ZNF804A: variants seen among roughly 807,000 people sequenced by gnomAD.
The protein encoded by ZNF804A is zinc finger protein 804A.
ZNF804A carries 2 observed loss-of-function variants against 16.5 expected under a neutral mutation model. The observed-to-expected ratio is 0.12, with a 90% CI of 0.05 to 0.38. The LOEUF (loss-of-function observed/expected upper bound fraction) is 0.38. ZNF804A is among the 10% of genes least tolerant of loss of function. The probability of loss-of-function intolerance (pLI) is 0.99; values close to 1 mark genes in which losing one functional copy is unlikely to be tolerated. For synonymous variants in ZNF804A, 534 were observed against 489.6 expected, an observed-to-expected ratio of 1.09 and a Z score of -1.20; for missense variants, 1,473 against 1,390.7, an observed-to-expected ratio of 1.06 and a Z score of -0.94.
intron 1 of ZNF804A, among the ~76,000 whole-genome samples, chr2:184,775,848 T>C (rs1164474490): frequency 6.6e-6 from 1 of 151,592 alleles, no homozygotes; most frequent in African/African-American, 2.4e-5. Flanking sequence ...TGTTTGGATA[T>C]GAGGGTAAAT....
intron 1 of ZNF804A, among the ~76,000 whole-genome samples, chr2:184,718,413 T>C (rs1248962978): frequency 6.6e-6 from 1 of 151,368 alleles, no homozygotes; most frequent in Non-Finnish European, 1.5e-5. Context: ...TTCCCAAGAG[T>C]CCCCCAAAGA....
chr2:184,767,205 C>A (rs1694141507), intron 1 of ZNF804A, among the ~76,000 whole-genome samples: 2 of 152,058 alleles, frequency 1.3e-5, no homozygotes, highest in Admixed American at 1.3e-4. Flanking sequence ...CCCAAATGTC[C>A]ACTGGTGGAT....
At chr2:184,634,654 A>G (rs1328152111) in intron 1 of ZNF804A, among the ~76,000 whole-genome samples, 1 of 152,182 alleles carries the variant, frequency 6.6e-6, no homozygotes, top group Non-Finnish European at 1.5e-5. Flanking sequence ...GTTGGCCTCT[A>G]GAAGCAGAAA....
chr2:184,774,579 G>C (rs1694260372), intron 1 of ZNF804A, among the ~76,000 whole-genome samples: 1 of 151,698 alleles, frequency 6.6e-6, no homozygotes, highest in South Asian at 2.1e-4. Flanking sequence ...TGACCTCAGT[G>C]CTTTTCTTCT....
chr2:184,635,084 G>T (rs1198844982), intron 1 of ZNF804A, among the ~76,000 whole-genome samples: 1 of 152,014 alleles, frequency 6.6e-6, no homozygotes, highest in African/African-American at 2.4e-5. Flanking sequence ...GTCTACTTAT[G>T]AAATGGATAT....
At chr2:184,689,248 A>G (rs1692690953) in intron 1 of ZNF804A, among the ~76,000 whole-genome samples, 2 of 152,170 alleles carry the variant, frequency 1.3e-5, no homozygotes. Flanking sequence ...CAAATATTGA[A>G]CAATACTCCA....
rs192928720 is a variant in ZNF804A, at chr2:184,892,912, A to G, written c.255+26400A>G. 5.8e-3 allele frequency among the ~76,000 whole-genome samples: 885 copies of G among 152,304 alleles called. 4 individuals carry two copies. Among genetic ancestry groups the G allele is most frequent in the Middle Eastern group, 0.024 (7 of 294 alleles). On this transcript the variant is annotated intron_variant, in intron 2 of 3. Coordinates refer to ENST00000302277, the MANE Select transcript of ZNF804A (RefSeq NM_194250.2). Reference sequence around the variant, plus strand: ...TATTTTGTTCATTATTGCCTGTGTTATAATCAATATTGATGGTTTCATTGT... The same window carrying G: ...TATTTTGTTCATTATTGCCTGTGTTGTAATCAATATTGATGGTTTCATTGT...
chr2:184,866,495 G>T lies in ZNF804A; in HGVS notation c.238G>T (p.Asp80Tyr). The T allele has an allele frequency of 6.2e-7, 1 of 1,606,980 alleles. No individual in the cohort carries two copies. Among genetic ancestry groups the T allele is most frequent in the South Asian group, 1.1e-5 (1 of 89,506 alleles). The change falls in exon 2 of 4, where the codon GAC becomes TAC. Residue 80 changes from aspartate to tyrosine, a missense_variant. Asp to Tyr is a radical substitution (Grantham distance 160, BLOSUM62 -3). Transcript: ENST00000302277. ...QEFDNHINSYDHAHKQRLKEL... is the reference protein window; with the variant it reads ...QEFDNHINSYYHAHKQRLKEL... ...GTTTGACAATCACATTAATTCATAT[G>T]ACCATGCTCACAAGCAGGTAAGAAA...
At chr2:184,724,326 T>C (rs1693368176) in intron 1 of ZNF804A, among the ~76,000 whole-genome samples, 1 of 151,758 alleles carries the variant, frequency 6.6e-6, no homozygotes, top group South Asian at 2.1e-4. Flanking sequence ...TGTACATTTA[T>C]TTGTCTTAAG....
intron 1 of ZNF804A, among the ~76,000 whole-genome samples, chr2:184,714,311 C>A (rs975745723): frequency 6.6e-6 from 1 of 152,032 alleles, no homozygotes; most frequent in African/African-American, 2.4e-5. Context: ...CATGCACACA[C>A]TATTCCTGGC....
chr2:184,714,271 T>A (rs1434453737), intron 1 of ZNF804A, among the ~76,000 whole-genome samples: 2 of 151,960 alleles, frequency 1.3e-5, no homozygotes, highest in African/African-American at 2.4e-5. Flanking sequence ...CCTCTGACAA[T>A]CCCAAATCAG....
At chr2:184,834,048 C>A (rs144001631) in intron 1 of ZNF804A, among the ~76,000 whole-genome samples, 1 of 151,938 alleles carries the variant, frequency 6.6e-6, no homozygotes, top group Non-Finnish European at 1.5e-5. Flanking sequence ...ATGATCCTCG[C>A]GTGAATCAAT....
At chr2:184,761,102 CA>C (rs1694031350) in intron 1 of ZNF804A, among the ~76,000 whole-genome samples, 2 of 152,078 alleles carry the variant, frequency 1.3e-5, no homozygotes, top group Admixed American at 1.3e-4. Context: ...GAATACTTTT[CA>C]CGGAACTTAA....
At chr2:184,852,309 G>A (rs1475644934) in intron 1 of ZNF804A, among the ~76,000 whole-genome samples, 1 of 149,996 alleles carries the variant, frequency 6.7e-6, no homozygotes, top group Non-Finnish European at 1.5e-5. Context: ...TTTTTTGGAT[G>A]GTTGACCATC....
chr2:184,870,435 A>G (rs1695957976), intron 2 of ZNF804A, among the ~76,000 whole-genome samples: 1 of 152,040 alleles, frequency 6.6e-6, no homozygotes, highest in African/African-American at 2.4e-5. Flanking sequence ...GCTTTATATG[A>G]TTGCATAGAT....
intron 1 of ZNF804A, among the ~76,000 whole-genome samples, chr2:184,773,107 A>C (rs1694242037): frequency 6.6e-6 from 1 of 150,874 alleles, no homozygotes; most frequent in African/African-American, 2.4e-5. Flanking sequence ...GTATTGAGTT[A>C]TACTTTTGTG....
intron 1 of ZNF804A, among the ~76,000 whole-genome samples, chr2:184,661,837 TAA>T (rs977620740): frequency 6.6e-6 from 1 of 152,238 alleles, no homozygotes; most frequent in African/African-American, 2.4e-5. Flanking sequence ...TATTAAATTT[TAA>T]CATGTTATTT....
At chr2:184,730,753 T>C (rs1559136905) in intron 1 of ZNF804A, among the ~76,000 whole-genome samples, 4 of 152,150 alleles carry the variant, frequency 2.6e-5, no homozygotes. Context: ...GGATGTGCCA[T>C]GGTTTATTTG....
intron 2 of ZNF804A, among the ~76,000 whole-genome samples, chr2:184,883,286 G>T (rs777928464): frequency 1.3e-5 from 2 of 151,798 alleles, no homozygotes; most frequent in Non-Finnish European, 2.9e-5. Context: ...ATAATAAAAC[G>T]TGTACCAGCC....
Sources: allele counts gnomAD v4.1 joint callset (sites outside exome capture counted in the v4.1 genomes callset), GRCh38; gene constraint gnomAD v4.1.1; transcripts MANE v1.5; gene names NCBI Gene and HGNC (gene_info 2026-07-23, HGNC 2026-07-21).